Variants in FKBP15 observed in about 807,000 individuals in gnomAD.
FKBP15 encodes the protein FK506-binding protein 15.
A neutral mutation model predicts 158.1 loss-of-function variants in FKBP15; 106 were observed. The ratio of observed to expected loss-of-function variants is 0.67; its 90% confidence interval spans 0.57 to 0.79. FKBP15 has a LOEUF of 0.79. Among genes scored for constraint, FKBP15 ranks in the 30% least tolerant of loss-of-function variants. The probability of loss-of-function intolerance (pLI) is 0.00; values close to 1 mark genes in which losing one functional copy is unlikely to be tolerated. For synonymous variants in FKBP15, 547 were observed against 548.6 expected (o/e 1.00, Z 0.04); for missense variants, 1,287 against 1,479.1 (o/e 0.87, Z 2.13).
chr9:113,221,266 C>T lies in FKBP15; in HGVS notation c.-23G>A. 1 of 1,593,748 alleles carries T rather than the reference C, an allele frequency of 6.3e-7. No homozygotes were observed. Among genetic ancestry groups the T allele is most frequent in the Non-Finnish European group, 8.5e-7 (1 of 1,170,546 alleles). On this transcript the variant is annotated 5_prime_UTR_variant, in exon 1 of 28. Transcript: ENST00000238256. ...CATTGCGTTGGCTTTCACCGGGTTG[C>T]GGGGAGGAAGCTGGGTATTCCCAGA... is the stretch of plus-strand genomic sequence containing the variant.
chr9:113,183,023 G>A (rs1830427364), intron 18 of FKBP15, among the ~76,000 whole-genome samples, 155 bp from the exon 19 acceptor site: 1 of 152,168 alleles, frequency 6.6e-6, no homozygotes, highest in Non-Finnish European at 1.5e-5. Flanking sequence ...CTGAAGTAGT[G>A]AGATCTAAGG....
chr9:113,216,904 CTTT>C (rs71491083), intron 1 of FKBP15, among the ~76,000 whole-genome samples: 135 of 131,750 alleles, frequency 1.0e-3, no homozygotes, highest in Middle Eastern at 3.9e-3. Context: ...ATTCCATTTT[CTTT>C]TTTTTTTTTT....
At chr9:113,168,973 C>CCCG (rs1830147994) in intron 26 of FKBP15, among the ~76,000 whole-genome samples, 1 of 152,124 alleles carries the variant, frequency 6.6e-6, no homozygotes. Context: ...TATCACAGGG[C>CCCG]CCACCACACT....
chr9:113,188,950 AT>A (rs1830529259), intron 12 of FKBP15, among the ~76,000 whole-genome samples: 1 of 152,236 alleles, frequency 6.6e-6, no homozygotes, highest in African/African-American at 2.4e-5. Context: ...ATAACGTAGG[AT>A]TCACTGCACC....
At position 113,161,707 on chromosome 9, in the gene FKBP15, AGTGGG is replaced by A. The variant is rs1830015890; in HGVS notation, c.*4366_*4370del. On this transcript the variant is annotated 3_prime_UTR_variant, in exon 28 of 28. Transcript: ENST00000238256. ...GGCAGAACCCACCACAGGTACAGGCAGTGGGTATGGGAAAGGGGCAGAAGCCTCAC... is the reference window on the plus strand; with the variant it reads ...GGCAGAACCCACCACAGGTACAGGCATATGGGAAAGGGGCAGAAGCCTCAC... The A allele has an allele frequency of 6.2e-7, 1 of 1,613,230 alleles. No individual in the cohort carries two copies. Among genetic ancestry groups the A allele is most frequent in the Admixed American group, 1.7e-5 (1 of 59,998 alleles).
chr9:113,219,666 G>A (rs977293029), intron 1 of FKBP15, among the ~76,000 whole-genome samples: 1 of 152,142 alleles, frequency 6.6e-6, no homozygotes, highest in African/African-American at 2.4e-5. Context: ...TTTATCTCTG[G>A]CCAGGAATCT....
At chr9:113,171,098 T>C (rs1830200570) in intron 24 of FKBP15, among the ~76,000 whole-genome samples, 1 of 152,238 alleles carries the variant, frequency 6.6e-6, no homozygotes, top group African/African-American at 2.4e-5. Flanking sequence ...TGTATTTGTT[T>C]GTTTTCCCAC....
chr9:113,206,434 C>T (rs1830888318), intron 4 of FKBP15, 75 bp downstream of exon 4: 4 of 1,173,742 alleles, frequency 3.4e-6, no homozygotes, highest in South Asian at 1.3e-5. Context: ...AGACATCGGG[C>T]AAGCCAGATA....
rs532831834 is a variant in FKBP15, at chr9:113,193,407, T to C, written c.1065+85A>G. On this transcript the variant is annotated intron_variant, in intron 11 of 27. Coordinates refer to ENST00000238256, the MANE Select transcript of FKBP15 (RefSeq NM_015258.2). Reference sequence around the variant, plus strand: ...CTAGGCTGGTCTTGAACTCCTGCACTGTAGTGATCCTCCTGCCTCAGCTTC... The same window carrying C: ...CTAGGCTGGTCTTGAACTCCTGCACCGTAGTGATCCTCCTGCCTCAGCTTC... 2.8e-5 allele frequency: 31 copies of C among 1,103,296 alleles called. No homozygotes were observed. The African/African-American group carries it at 3.7e-4, about 13-fold the overall frequency. 68.3% of individuals were successfully genotyped at this position (1,103,296 alleles called of 1,614,324 possible). A position where few individuals can be genotyped will look rare whatever the true frequency, so the allele number is the denominator to read the frequency against.
In FKBP15 at chr9:113,184,831, C is replaced by T. The variant is rs763177742; in HGVS notation, c.1499-27G>A. 2.9e-5 allele frequency: 44 copies of T among 1,538,714 alleles called. No individual in the cohort carries two copies. The South Asian group carries it at 3.4e-4, about 12-fold the overall frequency. On this transcript the variant is annotated intron_variant, in intron 15 of 27. Transcript: ENST00000238256. This position sits in a 1 kb window ranked among gnomAD's most constrained non-coding sequence, Gnocchi z 4.5. ...TAAACAGATACAAGCCAAAAAGAAACTTATGAAACTGGAGCAGAGGAAACT... is the reference window on the plus strand; with the variant it reads ...TAAACAGATACAAGCCAAAAAGAAATTTATGAAACTGGAGCAGAGGAAACT...
chr9:113,170,752 G>C, intron 24 of FKBP15, 123 bp from the exon 25 acceptor site: 1 of 725,742 alleles, frequency 1.4e-6, no homozygotes, highest in East Asian at 2.5e-5. Context: ...GATACTGCTG[G>C]TCATAAGCAG....
chr9:113,166,849 T>C (rs1436902114), intron 27 of FKBP15, among the ~76,000 whole-genome samples: 6 of 152,166 alleles, frequency 3.9e-5, no homozygotes, highest in African/African-American at 1.4e-4. Flanking sequence ...CTCCTCTGGC[T>C]TGGCAAGGGA....
chr9:113,170,243 A>G (rs1253361380), intron 25 of FKBP15, among the ~76,000 whole-genome samples: 1 of 152,000 alleles, frequency 6.6e-6, no homozygotes, highest in East Asian at 1.9e-4. Flanking sequence ...CTCCTGCCTC[A>G]GCCTCCCAAG....
chr9:113,164,742 A>AGAT lies in FKBP15; in HGVS notation c.*1333_*1335dup, dbSNP rs778415479. ...TTGAATTCTTGTGCTGAGGCTTCCT[A>AGAT]GATATGTAACTTTGGGCAAATTACT... On this transcript the variant is annotated 3_prime_UTR_variant, in exon 28 of 28. Transcript: ENST00000238256. 2.6e-5 allele frequency: 4 copies of AGAT among 152,230 alleles called. No individual in the cohort carries two copies. The highest frequency in any genetic ancestry group is 4.4e-5 in the Non-Finnish European group (3 of 68,056). The allele number at this position is 152,230 out of a possible 1,614,324, so 9.4% of individuals were successfully genotyped here.
chr9:113,166,302 A>C, intron 27 of FKBP15, 147 bp from the exon 28 acceptor site: 1 of 629,420 alleles, frequency 1.6e-6, no homozygotes, highest in Non-Finnish European at 2.8e-6. Context: ...AGGCCAGCAA[A>C]CCTAGGCTTC....
At chr9:113,185,451 A>T (rs1830470173) in intron 15 of FKBP15, among the ~76,000 whole-genome samples, 1 of 152,204 alleles carries the variant, frequency 6.6e-6, no homozygotes, top group Non-Finnish European at 1.5e-5. Flanking sequence ...GAGCTTCCAG[A>T]TAAAGGCTGC....
rs1830268579 is a variant in FKBP15, at chr9:113,174,503, G to T, written c.2304C>A (p.Tyr768Ter). ...EEEIDEIRKS[Y>*]QEELDKLRQL... ...GTCGAAGTTTGTCCAATTCCTCCTG[G>T]TATGACTTGCGAATTTCATCTATCT... Residue 768 changes from tyrosine to a stop codon, truncating the protein, a stop_gained, in exon 22 of 28, where the codon TAC becomes TAA. Transcript: ENST00000238256. LOFTEE classifies it high-confidence loss of function. The T allele has an allele frequency of 2.5e-6, 4 of 1,613,802 alleles. No individual in the cohort carries two copies.
intron 21 of FKBP15, among the ~76,000 whole-genome samples, chr9:113,176,304 G>C (rs1214751450): frequency 1.3e-5 from 2 of 152,182 alleles, no homozygotes; most frequent in African/African-American, 4.8e-5. Flanking sequence ...GTATGTGTGT[G>C]AGAGTGTGAA....
intron 5 of FKBP15, 65 bp from the exon 6 acceptor site, chr9:113,202,694 T>C: frequency 1.5e-6 from 2 of 1,308,046 alleles, no homozygotes; most frequent in Non-Finnish European, 2.2e-6. Flanking sequence ...CATGACGGCC[T>C]AAGCTCATAG....
Sources: gnomAD v4.1 joint callset for allele counts (sites outside exome capture counted in the v4.1 genomes callset) on GRCh38, gnomAD v4.1.1 for gene constraint, Gnocchi (gnomAD v3.1) non-coding constraint, MANE v1.5 for transcripts, NCBI Gene and HGNC (gene_info 2026-07-23, HGNC 2026-07-21) for gene names.